The following PLEKHH2 variants were observed in gnomAD, a reference collection of about 807,000 sequenced individuals.
The protein encoded by PLEKHH2 is pleckstrin homology, MyTH4 and FERM domain containing H2.
Under a neutral mutation model 187.9 loss-of-function variants are expected in PLEKHH2, and 129 were observed. The observed-to-expected ratio is 0.69, with a 90% CI of 0.59 to 0.79. The LOEUF (loss-of-function observed/expected upper bound fraction) is 0.79, where lower values mean the gene tolerates loss of function less well. Ranked by LOEUF, PLEKHH2 falls within the 30% of genes least tolerant of loss-of-function variation. The pLI is 0.00. For synonymous variants in PLEKHH2, 686 were observed against 605.6 expected (o/e 1.13, Z -1.95); for missense variants, 2,076 against 1,751.2 (o/e 1.19, Z -3.31).
intron 8 of PLEKHH2, among the ~76,000 whole-genome samples, chr2:43,703,077 G>GCACT (rs1403807454): frequency 6.6e-6 from 1 of 152,150 alleles, no homozygotes; most frequent in Non-Finnish European, 1.5e-5. Context: ...ACTCAGCCAG[G>GCACT]CACTATTCAA....
chr2:43,671,138 C>T (rs1377227790), intron 2 of PLEKHH2, among the ~76,000 whole-genome samples: 1 of 151,974 alleles, frequency 6.6e-6, no homozygotes, highest in African/African-American at 2.4e-5. Context: ...AGGCACCTGC[C>T]ACCACGACCA....
chr2:43,717,904 G>T, intron 15 of PLEKHH2, among the ~76,000 whole-genome samples: 1 of 152,186 alleles, frequency 6.6e-6, no homozygotes, highest in East Asian at 1.9e-4. Context: ...ACCAAAAAAT[G>T]CTAGCTATTA....
intron 7 of PLEKHH2, among the ~76,000 whole-genome samples, chr2:43,698,447 C>G (rs1318362962): frequency 6.6e-6 from 1 of 152,042 alleles, no homozygotes; most frequent in Non-Finnish European, 1.5e-5. Context: ...GGGGTTTCAC[C>G]ATGTTGCTCA....
At chr2:43,688,734 G>A (rs1668647102) in intron 3 of PLEKHH2, among the ~76,000 whole-genome samples, 1 of 152,144 alleles carries the variant, frequency 6.6e-6, no homozygotes, top group South Asian at 2.1e-4. Context: ...AAAGGAAAAG[G>A]GCACATAGAG....
intron 3 of PLEKHH2, among the ~76,000 whole-genome samples, chr2:43,685,962 A>G (rs767204156): frequency 5.9e-5 from 9 of 152,216 alleles, no homozygotes; most frequent in Non-Finnish European, 8.8e-5. Context: ...TTATTCCCCT[A>G]TAAAAGTATG....
At chr2:43,679,636 C>T (rs1185738250) in intron 3 of PLEKHH2, 2 of 266,474 alleles carry the variant, frequency 7.5e-6, no homozygotes, top group Non-Finnish European at 1.5e-5. Flanking sequence ...ACTGGGATTA[C>T]AGGTGCGCAC....
intron 7 of PLEKHH2, 86 bp from the exon 8 acceptor site, chr2:43,699,561 T>A: frequency 6.8e-7 from 1 of 1,470,590 alleles, no homozygotes; most frequent in East Asian, 2.3e-5. Context: ...CAGTGTCAAT[T>A]TCTACAGTGT....
chr2:43,707,475 C>T lies in PLEKHH2; in HGVS notation c.1896C>T (p.Ser632=). ...SGSEEEDSSR[S]SSRTSESDSR... ...CAGAGGAAGAAGACAGCTCCAGATC[C>T]AGCTCCCGGACGTCAGAGTCAGACT... Residue 632 remains serine (S), a synonymous_variant, in exon 11 of 30, where the codon TCC becomes TCT. Transcript: ENST00000282406. The T allele has an allele frequency of 6.2e-7, 1 of 1,614,138 alleles. No homozygotes were observed. Among genetic ancestry groups the T allele is most frequent in the South Asian group, 1.1e-5 (1 of 91,090 alleles).
intron 15 of PLEKHH2, among the ~76,000 whole-genome samples, chr2:43,716,420 T>C (rs1370109418): frequency 6.6e-6 from 1 of 152,148 alleles, no homozygotes; most frequent in Non-Finnish European, 1.5e-5. Flanking sequence ...TGTTATTTAC[T>C]AAGAGTGGGG....
At chr2:43,737,979 A>G (rs1378163631) in intron 19 of PLEKHH2, among the ~76,000 whole-genome samples, 2 of 152,162 alleles carry the variant, frequency 1.3e-5, no homozygotes, top group Non-Finnish European at 2.9e-5. Context: ...CCCAAATTGA[A>G]TTTTTAGAGA....
At chr2:43,729,502 C>A in intron 17 of PLEKHH2, 135 bp from the exon 18 acceptor site, 3 of 533,722 alleles carry the variant, frequency 5.6e-6, no homozygotes, top group Non-Finnish European at 9.5e-6. Context: ...GAATAAATGG[C>A]TTTTCATTAT....
At position 43,675,414 on chromosome 2, in the gene PLEKHH2, T is replaced by C; in HGVS notation, c.124-3449T>C. On this transcript the variant is annotated intron_variant, in intron 2 of 29. Transcript: ENST00000282406. Reference sequence around the variant, plus strand: ...AACCAACTGGAGGCAAGAAAACGAGTGTGTCATTGAAATAGTGTCCAAATG... The same window carrying C: ...AACCAACTGGAGGCAAGAAAACGAGCGTGTCATTGAAATAGTGTCCAAATG... 4 of 1,605,878 alleles carry C rather than the reference T, an allele frequency of 2.5e-6. No homozygotes were observed. The South Asian group carries it at 4.5e-5, about 18-fold the overall frequency.
intron 2 of PLEKHH2, among the ~76,000 whole-genome samples, chr2:43,649,634 T>C (rs1666370100): frequency 1.3e-5 from 2 of 152,248 alleles, no homozygotes; most frequent in Non-Finnish European, 2.9e-5. Flanking sequence ...CTGGCTTGCC[T>C]AATGTTTCAC....
At chr2:43,641,813 T>C (rs1405707863) in intron 1 of PLEKHH2, among the ~76,000 whole-genome samples, 1 of 152,268 alleles carries the variant, frequency 6.6e-6, no homozygotes, top group Non-Finnish European at 1.5e-5. Context: ...GCTTTAATTC[T>C]GGACTTAACT....
At chr2:43,703,349 A>G (rs902870497) in intron 8 of PLEKHH2, among the ~76,000 whole-genome samples, 4 of 152,184 alleles carry the variant, frequency 2.6e-5, no homozygotes, top group Non-Finnish European at 5.9e-5. Context: ...AAAATAATCT[A>G]CTTTTGGAAC....
In PLEKHH2 at chr2:43,677,320, G is replaced by A. The variant is rs59783847; in HGVS notation, c.124-1543G>A. On this transcript the variant is annotated intron_variant, in intron 2 of 29. Coordinates refer to ENST00000282406, the MANE Select transcript of PLEKHH2 (RefSeq NM_172069.4). ...ATAAACAAGTGAACAAAGGTCTCTGGTTTTCCTAGGCAGAGGACCCTTCGG... is the reference window on the plus strand; with the variant it reads ...ATAAACAAGTGAACAAAGGTCTCTGATTTTCCTAGGCAGAGGACCCTTCGG... 2.7e-3 allele frequency among the ~76,000 whole-genome samples: 404 copies of A among 152,152 alleles called. 2 individuals are homozygous for A. The highest frequency in any genetic ancestry group is 9.3e-3 in the African/African-American group (386 of 41,512).
chr2:43,688,589 C>T (rs779668304), intron 3 of PLEKHH2, among the ~76,000 whole-genome samples: 1 of 152,082 alleles, frequency 6.6e-6, no homozygotes, highest in African/African-American at 2.4e-5. Flanking sequence ...GGAAAATAGC[C>T]CTGGAAGCTG....
intron 14 of PLEKHH2, 173 bp downstream of exon 14, chr2:43,710,748 A>G: frequency 7.2e-7 from 1 of 1,395,744 alleles, no homozygotes. Context: ...GGTTAAAACT[A>G]TAATGTAAGT....
chr2:43,694,981 G>A (rs1031066874), intron 5 of PLEKHH2, among the ~76,000 whole-genome samples, 162 bp from the exon 6 acceptor site: 3 of 151,982 alleles, frequency 2.0e-5, no homozygotes, highest in African/African-American at 7.2e-5. Context: ...TAGGTCGATA[G>A]CCTATTCTGA....
Sources: allele counts gnomAD v4.1 joint callset (sites outside exome capture counted in the v4.1 genomes callset), GRCh38; gene constraint gnomAD v4.1.1; transcripts MANE v1.5; gene names NCBI Gene and HGNC (gene_info 2026-07-23, HGNC 2026-07-21).